The following VIT variants were observed in gnomAD, a reference collection of about 807,000 sequenced individuals.
VIT encodes the protein vitrin.
VIT carries 99 observed loss-of-function variants against 78.0 expected under a neutral mutation model. The ratio of observed to expected loss-of-function variants is 1.27; its 90% CI spans 1.08 to 1.50. The LOEUF is 1.50. Ranked by LOEUF, VIT falls within the 40% of genes most tolerant of loss-of-function variation. The pLI is 0.00. For missense variants in VIT, 1,126 were observed against 875.3 expected (o/e 1.29, Z -3.61); for synonymous variants, 374 against 334.3 (o/e 1.12, Z -1.29).
At chr2:36,746,921 T>C (rs1357598399) in intron 4 of VIT, among the ~76,000 whole-genome samples, 1 of 152,168 alleles carries the variant, frequency 6.6e-6, no homozygotes, top group Non-Finnish European at 1.5e-5. Context: ...ATTTAGAACT[T>C]CTTGATATAG....
At chr2:36,788,426 C>T (rs935722348) in intron 12 of VIT, among the ~76,000 whole-genome samples, 5 of 151,992 alleles carry the variant, frequency 3.3e-5, no homozygotes, top group East Asian at 1.9e-4. Flanking sequence ...AATTTAATTC[C>T]GATAACACAT....
intron 6 of VIT, among the ~76,000 whole-genome samples, chr2:36,762,198 G>C (rs1455297086): frequency 3.3e-5 from 5 of 152,178 alleles, no homozygotes; most frequent in Non-Finnish European, 5.9e-5. Context: ...CTGAGTCATT[G>C]ACATCCACAA....
chr2:36,715,553 A>T (rs997061558), intron 1 of VIT, among the ~76,000 whole-genome samples: 1 of 152,152 alleles, frequency 6.6e-6, no homozygotes, highest in Non-Finnish European at 1.5e-5. Flanking sequence ...AAATAAAAAA[A>T]AAAAAGATTT....
At chr2:36,790,793 A>G (rs1197952593) in intron 12 of VIT, among the ~76,000 whole-genome samples, 1 of 152,242 alleles carries the variant, frequency 6.6e-6, no homozygotes, top group Non-Finnish European at 1.5e-5. Context: ...TCGTGTGTGG[A>G]CAAAAGGCCA....
chr2:36,755,644 G>T (rs951094167), intron 5 of VIT, among the ~76,000 whole-genome samples: 1 of 152,124 alleles, frequency 6.6e-6, no homozygotes, highest in Admixed American at 6.5e-5. Context: ...TTCACCCAGT[G>T]ATTTTAACAT....
intron 3 of VIT, among the ~76,000 whole-genome samples, chr2:36,735,516 G>C (rs1667461740): frequency 6.6e-6 from 1 of 152,202 alleles, no homozygotes; most frequent in African/African-American, 2.4e-5. Context: ...ATTCGGGGTG[G>C]TCCCCTCAGC....
intron 1 of VIT, among the ~76,000 whole-genome samples, chr2:36,713,236 G>A (rs950574320): frequency 6.6e-6 from 1 of 152,206 alleles, no homozygotes; most frequent in Non-Finnish European, 1.5e-5. Context: ...TGAAAGAAAT[G>A]AGGGAGCAAG....
chr2:36,703,737 C>CA (rs1434035319), intron 1 of VIT, among the ~76,000 whole-genome samples: 1 of 152,052 alleles, frequency 6.6e-6, no homozygotes, highest in Non-Finnish European at 1.5e-5. Context: ...CCAAGTATCT[C>CA]AAAAAGCCTG....
intron 6 of VIT, among the ~76,000 whole-genome samples, chr2:36,764,265 A>G (rs930343842): frequency 6.6e-6 from 1 of 152,230 alleles, no homozygotes; most frequent in African/African-American, 2.4e-5. Context: ...TTCTTTCCAA[A>G]TTATTAATTA....
intron 1 of VIT, among the ~76,000 whole-genome samples, chr2:36,699,989 A>G (rs1664949893): frequency 6.8e-6 from 1 of 148,138 alleles, no homozygotes; most frequent in South Asian, 2.2e-4. Context: ...GCTGTGGCAA[A>G]GAGGTTTGAT....
chr2:36,805,998 T>TCA (rs941060114), intron 14 of VIT, among the ~76,000 whole-genome samples: 15 of 150,898 alleles, frequency 9.9e-5, no homozygotes, highest in South Asian at 4.2e-4. Flanking sequence ...TCTCTCTCTC[T>TCA]CACACACACA....
chr2:36,776,598 C>T (rs950866324), intron 9 of VIT, among the ~76,000 whole-genome samples: 20 of 151,038 alleles, frequency 1.3e-4, no homozygotes, highest in African/African-American at 2.0e-4. Context: ...CTCAAGAGTT[C>T]GAGACGAGTT....
rs374072200 is a variant in VIT, at chr2:36,719,588, A to T, written c.52+3166A>T. Among the ~76,000 whole-genome samples the T allele has an allele frequency of 6.0e-5, 9 of 150,144 alleles. 1 individual carries two copies. The East Asian group carries it at 1.7e-3, about 29-fold the overall frequency. On this transcript the variant is annotated intron_variant, in intron 2 of 15. Coordinates refer to ENST00000379242, the MANE Select transcript of VIT (RefSeq NM_053276.4). ...TCATTTACGATAGTATCAAAAAAAAACTACTTAGGAATAAATTTAACCATA... is the reference window on the plus strand; with the variant it reads ...TCATTTACGATAGTATCAAAAAAAATCTACTTAGGAATAAATTTAACCATA...
intron 3 of VIT, among the ~76,000 whole-genome samples, chr2:36,736,812 A>G (rs4670599): frequency 0.38 from 58,220 of 152,132 alleles, 11,855 homozygotes; most frequent in Non-Finnish European, 0.45. Context: ...TTGACTTACA[A>G]TGGGGTTGTG....
At position 36,814,169 on chromosome 2, in the gene VIT, C is replaced by T; in HGVS notation, c.1904-14C>T. 1.2e-6 allele frequency: 2 copies of T among 1,612,570 alleles called. No homozygotes were observed. Among genetic ancestry groups the T allele is most frequent in the East Asian group, 2.2e-5 (1 of 44,842 alleles). On this transcript the variant is annotated splice_polypyrimidine_tract_variant and intron_variant, in intron 15 of 15. Coordinates refer to ENST00000379242, the MANE Select transcript of VIT (RefSeq NM_053276.4). ...ACTTGGGGACATTTGTTCATCTAAC[C>T]TTTGTCCCCACAGGAGTGATCACCT...
intron 14 of VIT, 73 bp from the exon 15 acceptor site, chr2:36,808,399 G>A (rs1053124218): frequency 6.6e-7 from 1 of 1,512,772 alleles, no homozygotes. Flanking sequence ...CCTGCCCCGG[G>A]GGATCAAGCC....
At chr2:36,705,505 AG>A (rs1665360571) in intron 1 of VIT, among the ~76,000 whole-genome samples, 2 of 152,182 alleles carry the variant, frequency 1.3e-5, no homozygotes, top group African/African-American at 4.8e-5. Context: ...AGACCAAAAA[AG>A]GCTTTCCCTT....
At chr2:36,739,419 G>C (rs1667699002) in intron 3 of VIT, among the ~76,000 whole-genome samples, 1 of 152,114 alleles carries the variant, frequency 6.6e-6, no homozygotes, top group Admixed American at 6.5e-5. Flanking sequence ...ACCAACAGAA[G>C]AAATATTTGC....
At chr2:36,805,791 TC>T in intron 14 of VIT, 127 bp downstream of exon 14, 1 of 1,014,442 alleles carries the variant, frequency 9.9e-7, no homozygotes, top group Non-Finnish European at 1.4e-6. Flanking sequence ...CAGTAAGGCC[TC>T]CAGGGAGGGA....
Sources: gnomAD v4.1 joint callset for allele counts (sites outside exome capture counted in the v4.1 genomes callset) on GRCh38, gnomAD v4.1.1 for gene constraint, MANE v1.5 for transcripts, NCBI Gene and HGNC (gene_info 2026-07-23, HGNC 2026-07-21) for gene names.